KIAA1328: variants seen among roughly 807,000 people sequenced by gnomAD.
The protein encoded by KIAA1328 is KIAA1328.
KIAA1328 carries 52 observed loss-of-function variants against 68.1 expected under a neutral mutation model. The observed-to-expected ratio is 0.76, with a 90% CI of 0.61 to 0.96. KIAA1328 has a LOEUF of 0.96. Ranked by LOEUF, KIAA1328 falls within the 40% of genes least tolerant of loss-of-function variation. The pLI is 0.00. For synonymous variants in KIAA1328, 232 were observed against 239.4 expected, an observed-to-expected ratio of 0.97 and a Z score of 0.28; for missense variants, 641 against 677.6, an observed-to-expected ratio of 0.95 and a Z score of 0.60.
At chr18:36,971,793 G>A (rs2052226025) in intron 6 of KIAA1328, among the ~76,000 whole-genome samples, 1 of 152,110 alleles carries the variant, frequency 6.6e-6, no homozygotes, top group African/African-American at 2.4e-5. Flanking sequence ...ACTTGTAAGT[G>A]GGAGCTAAAT....
At chr18:37,023,647 C>G (rs2054435910) in intron 6 of KIAA1328, among the ~76,000 whole-genome samples, 1 of 152,160 alleles carries the variant, frequency 6.6e-6, no homozygotes, top group Non-Finnish European at 1.5e-5. Context: ...CTGGGAAGAC[C>G]TGTCAACCAT....
intron 5 of KIAA1328, among the ~76,000 whole-genome samples, chr18:36,890,574 G>A (rs938672788): frequency 6.6e-6 from 1 of 152,108 alleles, no homozygotes; most frequent in Admixed American, 6.5e-5. Context: ...GGGAGGCTGA[G>A]GCATGAGAAT....
At chr18:36,978,075 G>A (rs1406523002) in intron 6 of KIAA1328, among the ~76,000 whole-genome samples, 2 of 152,076 alleles carry the variant, frequency 1.3e-5, no homozygotes, top group Non-Finnish European at 2.9e-5. Context: ...GAGCCACCGC[G>A]CCTGGCCAAG....
rs1041890040 is a variant in KIAA1328, at chr18:37,193,616, T to C, written c.1523+20535T>C. ...CCCAGGAATCTCCACAAAGATCTGC[T>C]TCCTTTCAAATCATTTCTTCATATT... On this transcript the variant is annotated intron_variant, in intron 9 of 9. Transcript: ENST00000280020. The C allele has an allele frequency of 2.6e-5, 18 of 702,592 alleles. No individual in the cohort carries two copies. In the East Asian group the frequency reaches 4.8e-4, roughly 19 times the overall value. 43.5% of individuals were successfully genotyped at this position (702,592 alleles called of 1,614,324 possible).
chr18:36,901,699 T>C (rs540213416), intron 5 of KIAA1328, among the ~76,000 whole-genome samples: 2 of 152,152 alleles, frequency 1.3e-5, no homozygotes, highest in South Asian at 4.1e-4. Context: ...AAATGCAAGG[T>C]TGGCAGTCTA....
chr18:37,145,326 T>C (rs929228070), intron 7 of KIAA1328, among the ~76,000 whole-genome samples: 1 of 152,220 alleles, frequency 6.6e-6, no homozygotes, highest in African/African-American at 2.4e-5. Flanking sequence ...ATTCTGTAAG[T>C]TTTTATTCTT....
At chr18:37,190,828 C>T (rs1244526645) in intron 9 of KIAA1328, among the ~76,000 whole-genome samples, 1 of 152,176 alleles carries the variant, frequency 6.6e-6, no homozygotes, top group Non-Finnish European at 1.5e-5. Context: ...GCCTCCCCAT[C>T]GATCTTCATC....
At chr18:36,890,984 A>C (rs2048667220) in intron 5 of KIAA1328, among the ~76,000 whole-genome samples, 1 of 152,226 alleles carries the variant, frequency 6.6e-6, no homozygotes, top group Non-Finnish European at 1.5e-5. Flanking sequence ...TCTCTATCAA[A>C]ACATGGTAGA....
chr18:37,036,616 A>G (rs1417134794), intron 6 of KIAA1328, among the ~76,000 whole-genome samples: 1 of 152,206 alleles, frequency 6.6e-6, no homozygotes, highest in Non-Finnish European at 1.5e-5. Flanking sequence ...AGCCTGGTCC[A>G]TGCTCACAGC....
chr18:36,887,242 A>G (rs1389928118), intron 5 of KIAA1328, among the ~76,000 whole-genome samples: 1 of 151,920 alleles, frequency 6.6e-6, no homozygotes, highest in African/African-American at 2.4e-5. Context: ...GTCAGAATTC[A>G]TAACAAAGTG....
intron 6 of KIAA1328, among the ~76,000 whole-genome samples, chr18:37,058,269 AG>A (rs1176884598): frequency 1.3e-5 from 2 of 152,198 alleles, no homozygotes; most frequent in African/African-American, 4.8e-5. Flanking sequence ...CTTACTTATC[AG>A]GACTCCACAT....
intron 7 of KIAA1328, among the ~76,000 whole-genome samples, chr18:37,087,328 G>A (rs2057135261): frequency 6.6e-6 from 1 of 152,042 alleles, no homozygotes; most frequent in African/African-American, 2.4e-5. Flanking sequence ...CCAAAGAGCT[G>A]GGATTATAGG....
rs964662715 is a variant in KIAA1328 at position 36,926,806 on chromosome 18, G to A, written c.449-32502G>A. Among the ~76,000 whole-genome samples, 7 of 152,304 alleles carry A rather than the reference G, an allele frequency of 4.6e-5. No individual in the cohort carries two copies. In the East Asian group the frequency reaches 1.3e-3, roughly 29 times the overall value. On this transcript the variant is annotated intron_variant, in intron 5 of 9. Transcript: ENST00000280020. ...TGCTATAAAGGAATACTTGAGGCTAGGTAATTTGCAAAGAAAAGACGTGTA... is the reference window on the plus strand; with the variant it reads ...TGCTATAAAGGAATACTTGAGGCTAAGTAATTTGCAAAGAAAAGACGTGTA...
chr18:36,932,215 G>T (rs1426403716), intron 5 of KIAA1328, among the ~76,000 whole-genome samples: 2 of 152,122 alleles, frequency 1.3e-5, no homozygotes, highest in African/African-American at 4.8e-5. Flanking sequence ...GAAAAAGTTT[G>T]AGATTTTATT....
intron 5 of KIAA1328, among the ~76,000 whole-genome samples, chr18:36,899,331 T>C (rs1219704419): frequency 6.6e-6 from 1 of 151,978 alleles, no homozygotes; most frequent in Non-Finnish European, 1.5e-5. Flanking sequence ...GAGATTCTAA[T>C]ACACTACCTT....
At chr18:37,199,651 G>A (rs1290400306) in intron 9 of KIAA1328, among the ~76,000 whole-genome samples, 1 of 152,142 alleles carries the variant, frequency 6.6e-6, no homozygotes, top group African/African-American at 2.4e-5. Context: ...TCTGTTTCTA[G>A]GTCTTTGAGG....
chr18:37,214,711 A>G (rs1004463502), intron 9 of KIAA1328, among the ~76,000 whole-genome samples: 1 of 152,098 alleles, frequency 6.6e-6, no homozygotes, highest in Non-Finnish European at 1.5e-5. Context: ...CTTGATGGGG[A>G]TGGCATTGAA....
chr18:37,076,212 A>G lies in KIAA1328; in HGVS notation c.1232+8667A>G, dbSNP rs1254671275. Among the ~76,000 whole-genome samples the G allele has an allele frequency of 4.6e-5, 7 of 152,220 alleles. No individual in the cohort carries two copies. In the East Asian group the frequency reaches 1.3e-3, roughly 29 times the overall value. ...AACCACTCAACTACATGGAAACTGA[A>G]CAACCTGCTCCTGAATGACTACTGG... is the stretch of plus-strand genomic sequence containing the variant. On this transcript the variant is annotated intron_variant, in intron 7 of 9. Transcript: ENST00000280020.
Position 37,078,656 on chromosome 18 carries a change from A to C in KIAA1328, c.1232+11111A>C, listed in dbSNP as rs1354780704. On this transcript the variant is annotated intron_variant, in intron 7 of 9. Transcript: ENST00000280020. Reference sequence around the variant, plus strand: ...AAGAAAAAAACAAACAACCCCATCAAAAAGTGGGCAAAGGACATGAACAGA... The same window carrying C: ...AAGAAAAAAACAAACAACCCCATCACAAAGTGGGCAAAGGACATGAACAGA... Among the ~76,000 whole-genome samples the C allele has an allele frequency of 1.1e-4, 17 of 148,826 alleles. 2 individuals carry two copies. The South Asian group carries it at 3.5e-3, about 30-fold the overall frequency.
Sources: gnomAD v4.1 joint callset for allele counts (sites outside exome capture counted in the v4.1 genomes callset) on GRCh38, gnomAD v4.1.1 for gene constraint, MANE v1.5 for transcripts, NCBI Gene and HGNC (gene_info 2026-07-23, HGNC 2026-07-21) for gene names.